SPTB: variants seen among roughly 807,000 people sequenced by gnomAD.
SPTB encodes the protein spectrin beta, erythrocytic, also known as spectrin beta chain, erythrocytic.
Under a neutral mutation model 256.2 loss-of-function variants are expected in SPTB, and 45 were observed. That is an observed-to-expected ratio of 0.18 (90% confidence interval 0.14 to 0.23). The LOEUF (loss-of-function observed/expected upper bound fraction) is 0.23, where lower values mean the gene tolerates loss of function less well. Among genes scored for constraint, SPTB ranks in the 10% least tolerant of loss-of-function variants. The pLI is 1.00. For missense variants in SPTB, 2,715 were observed against 3,040.4 expected, an observed-to-expected ratio of 0.89 and a Z score of 2.52; for synonymous variants, 1,231 against 1,243.1, an observed-to-expected ratio of 0.99 and a Z score of 0.21.
In SPTB at chr14:64,793,115, G is replaced by A; in HGVS notation, c.2548C>T (p.Leu850=). ...TCTGTCTCCCCGAACACCGTGTACA[G>A]GTCCAGGGCTTCCTGCAGCCTCTGC... is the stretch of plus-strand genomic sequence containing the variant. The part of the protein sequence containing the change: ...RQQRLQEALD[L]YTVFGETDAC... The change falls in exon 14 of 36, where the codon CTG becomes TTG. Residue 850 remains leucine, a synonymous_variant. Coordinates refer to ENST00000644917, the MANE Select transcript of SPTB (RefSeq NM_001355436.2). The surrounding 1 kb of genome is among the most constrained non-coding windows in gnomAD (Gnocchi z 7.0). The A allele has an allele frequency of 2.5e-6, 4 of 1,614,122 alleles. No individual in the cohort carries two copies. Among genetic ancestry groups the A allele is most frequent in the Non-Finnish European group, 3.4e-6 (4 of 1,180,054 alleles).
chr14:64,845,417 A>G lies in SPTB; in HGVS notation c.-51-22272T>C, dbSNP rs890670619. On this transcript the variant is annotated intron_variant, in intron 1 of 35. Coordinates refer to ENST00000644917, the MANE Select transcript of SPTB (RefSeq NM_001355436.2). The surrounding 1 kb of genome is among the most constrained non-coding windows in gnomAD (Gnocchi z 4.8). The stretch of plus-strand genomic sequence containing the variant: ...GTGTGCCTTTGGAAACTATAAGCCT[A>G]TTTACAAGTTATAATCTTAGCCCTT... Among the ~76,000 whole-genome samples the G allele has an allele frequency of 1.3e-5, 2 of 152,208 alleles. No homozygotes were observed. Among genetic ancestry groups the G allele is most frequent in the Non-Finnish European group, 2.9e-5 (2 of 68,024 alleles).
At chr14:64,819,600 G>T (rs2083254801) in intron 2 of SPTB, among the ~76,000 whole-genome samples, 1 of 152,162 alleles carries the variant, frequency 6.6e-6, no homozygotes, top group Non-Finnish European at 1.5e-5. Flanking sequence ...TCTGGGGGAA[G>T]GGGAAAGAGC....
chr14:64,877,484 G>A (rs1284318447), intron 1 of SPTB, among the ~76,000 whole-genome samples: 1 of 152,186 alleles, frequency 6.6e-6, no homozygotes, highest in Non-Finnish European at 1.5e-5. Context: ...TGGGTAATAT[G>A]AGGCAAGTTA....
chr14:64,855,476 T>C (rs17102227), intron 1 of SPTB, among the ~76,000 whole-genome samples: 6 of 152,168 alleles, frequency 3.9e-5, no homozygotes, highest in Non-Finnish European at 7.3e-5. Flanking sequence ...ATATTCATCA[T>C]CCCTTGTGTT....
At chr14:64,762,598 C>T (rs372767664) in intron 32 of SPTB, among the ~76,000 whole-genome samples, 15 of 152,352 alleles carry the variant, frequency 9.8e-5, no homozygotes, top group African/African-American at 2.4e-4. Context: ...GGAATGGAGA[C>T]GCAAGGGACC....
Position 64,827,617 on chromosome 14 carries a change from A to G in SPTB, c.-51-4472T>C, listed in dbSNP as rs1045414127. 2.0e-5 allele frequency among the ~76,000 whole-genome samples: 3 copies of G among 152,218 alleles called. No homozygotes were observed. The highest frequency in any genetic ancestry group is 7.2e-5 in the African/African-American group (3 of 41,450). Reference sequence around the variant, plus strand: ...TTCCTCTCCCTCTGATCATAATCGCATTGCACATTCACAGGTACCTTAAAG... The same window carrying G: ...TTCCTCTCCCTCTGATCATAATCGCGTTGCACATTCACAGGTACCTTAAAG... On this transcript the variant is annotated intron_variant, in intron 1 of 35. Transcript: ENST00000644917. This position sits in a 1 kb window ranked among gnomAD's most constrained non-coding sequence, Gnocchi z 4.6.
At chr14:64,821,482 C>G (rs75579875) in intron 2 of SPTB, among the ~76,000 whole-genome samples, 1 of 152,174 alleles carries the variant, frequency 6.6e-6, no homozygotes, top group Non-Finnish European at 1.5e-5. Context: ...GCAAATCTTA[C>G]GGAATATGGT....
Position 64,852,182 on chromosome 14 carries a change from G to C in SPTB, c.-52+27610C>G, listed in dbSNP as rs1213819374. Among the ~76,000 whole-genome samples the C allele has an allele frequency of 6.6e-6, 1 of 152,178 alleles. No homozygotes were observed. The highest frequency in any genetic ancestry group is 1.5e-5 in the Non-Finnish European group (1 of 68,028). ...TTCTGCAAGGGTGGACGATGAGTGG[G>C]GATCAGAGCTGAGCCTTTGGGAGGA... On this transcript the variant is annotated intron_variant, in intron 1 of 35. Coordinates refer to ENST00000644917, the MANE Select transcript of SPTB (RefSeq NM_001355436.2). This position sits in a 1 kb window ranked among gnomAD's most constrained non-coding sequence, Gnocchi z 4.2.
rs11627671 is a variant in SPTB at position 64,841,755 on chromosome 14, A to T, written c.-51-18610T>A. On this transcript the variant is annotated intron_variant, in intron 1 of 35. Transcript: ENST00000644917. This position sits in a 1 kb window ranked among gnomAD's most constrained non-coding sequence, Gnocchi z 4.6. ...TCTGACATCCCATATATATATATAT[A>T]TTTTTTAAGGGTCTTTCTTTAACAC... 0.034 allele frequency among the ~76,000 whole-genome samples: 5,196 copies of T among 151,892 alleles called. 107 individuals carry two copies. The highest frequency in any genetic ancestry group is 0.062 in the East Asian group (318 of 5,170).
At chr14:64,803,580 G>A (rs529683389) in intron 4 of SPTB, 27 bp downstream of exon 4, 30 of 1,613,478 alleles carry the variant, frequency 1.9e-5, no homozygotes, top group African/African-American at 8.0e-5. Flanking sequence ...GGGCTCCCTC[G>A]ACTTCCTCTA....
chr14:64,762,661 C>T (rs2082111101), intron 32 of SPTB, among the ~76,000 whole-genome samples: 1 of 152,220 alleles, frequency 6.6e-6, no homozygotes, highest in Non-Finnish European at 1.5e-5. Context: ...GTCCCTTTCT[C>T]CAGGGCTGCT....
At chr14:64,840,789 G>A (rs1436396576) in intron 1 of SPTB, among the ~76,000 whole-genome samples, 1 of 152,198 alleles carries the variant, frequency 6.6e-6, no homozygotes, top group Admixed American at 6.5e-5. Flanking sequence ...ATCAGCAATA[G>A]AGCAGAGTCC....
Position 64,767,779 on chromosome 14 carries a change from C to A in SPTB, c.6103G>T (p.Gly2035Trp), listed in dbSNP as rs1206516197. The A allele has an allele frequency of 6.2e-7, 1 of 1,614,164 alleles. No homozygotes were observed. The highest frequency in any genetic ancestry group is 2.2e-5 in the East Asian group (1 of 44,876). The change falls in exon 30 of 36, where the codon GGG becomes TGG. Residue 2035 changes from glycine to tryptophan, a missense_variant. By Grantham distance (184) the Gly-to-Trp change is radical (BLOSUM62 -2). Around this residue, in one of 4 missense-constraint regions of SPTB, gnomAD observed 2,239 missense variants for 2,384.4 expected, o/e 0.94. Coordinates refer to ENST00000644917, the MANE Select transcript of SPTB (RefSeq NM_001355436.2). ...LIAQEPYLAS[G>W]DFGHTVDSVE... ...CTGTCCACTGTGTGTCCAAAGTCCC[C>A]GCTGGCCAGGTAGGGCTCCTGGGCA...
chr14:64,751,000 C>T (rs1415276933), intron 33 of SPTB, among the ~76,000 whole-genome samples: 1 of 143,294 alleles, frequency 7.0e-6, no homozygotes, highest in African/African-American at 2.6e-5. Flanking sequence ...ATATATAATA[C>T]ATTATATATT....
At chr14:64,810,445 T>G (rs922860198) in intron 2 of SPTB, among the ~76,000 whole-genome samples, 1 of 152,176 alleles carries the variant, frequency 6.6e-6, no homozygotes, top group Non-Finnish European at 1.5e-5. Flanking sequence ...TTTGGGATGC[T>G]AAAGCAGGTG....
intron 19 of SPTB, among the ~76,000 whole-genome samples, chr14:64,783,305 C>A (rs1325444351): frequency 6.6e-6 from 1 of 151,958 alleles, no homozygotes; most frequent in Non-Finnish European, 1.5e-5. Context: ...CCAGTTTAAG[C>A]CCTTTTGTGT....
intron 28 of SPTB, 41 bp from the exon 29 acceptor site, chr14:64,769,159 C>T: frequency 6.3e-7 from 1 of 1,582,152 alleles, no homozygotes. Context: ...CTTGGCTCAC[C>T]CTTCACCATC....
In SPTB at chr14:64,785,545, A is replaced by C; in HGVS notation, c.3847T>G (p.Cys1283Gly). 1 of 1,613,046 alleles carries C rather than the reference A, an allele frequency of 6.2e-7. No individual in the cohort carries two copies. Among genetic ancestry groups the C allele is most frequent in the Non-Finnish European group, 8.5e-7 (1 of 1,179,620 alleles). The change falls in exon 18 of 36, where the codon TGC becomes GGC. Residue 1283 changes from cysteine (C) to glycine (G), a missense_variant. This residue lies in a region of SPTB where 2,239 missense variants were observed against 2,384.4 expected (regional missense o/e 0.94). Coordinates refer to ENST00000644917, the MANE Select transcript of SPTB (RefSeq NM_001355436.2). The surrounding 1 kb of genome is among the most constrained non-coding windows in gnomAD (Gnocchi z 4.4). Reference sequence around the variant, plus strand: ...CCTTGCTGGAGCCTCACCTCCTGGCAGTTCTGGAGGAAGTTCTGTAGCTCC... The same window carrying C: ...CCTTGCTGGAGCCTCACCTCCTGGCCGTTCTGGAGGAAGTTCTGTAGCTCC... Reference protein sequence around the residue: ...NLELQNFLQNCQELTLWINDK... With the variant: ...NLELQNFLQNGQELTLWINDK...
At chr14:64,874,656 T>G (rs1425879074) in intron 1 of SPTB, among the ~76,000 whole-genome samples, 1 of 152,240 alleles carries the variant, frequency 6.6e-6, no homozygotes, top group Admixed American at 6.5e-5. Context: ...GTTACAGACT[T>G]CTTTCTGGTC....
Sources: gnomAD v4.1 joint callset for allele counts (sites outside exome capture counted in the v4.1 genomes callset) on GRCh38, gnomAD v4.1.1 for gene constraint, gnomAD v4.1.1 regional missense constraint, Gnocchi (gnomAD v3.1) non-coding constraint, MANE v1.5 for transcripts, NCBI Gene and HGNC (gene_info 2026-07-23, HGNC 2026-07-21) for gene names.